Variants in PCTP observed in about 807,000 individuals in gnomAD.
PCTP encodes phosphatidylcholine transfer protein, also known as START domain-containing protein 2.
Under a neutral mutation model 31.0 loss-of-function variants are expected in PCTP, and 27 were observed. The ratio of observed to expected loss-of-function variants is 0.87; its 90% CI spans 0.64 to 1.20. PCTP has a LOEUF of 1.20. PCTP is among the 50% of genes most tolerant of loss of function. The pLI is 0.00. For synonymous variants in PCTP, 108 were observed against 101.2 expected (o/e 1.07, Z -0.40); for missense variants, 287 against 268.2 (o/e 1.07, Z -0.49).
At chr17:55,848,016 A>G in the PCTP span, among the ~76,000 whole-genome samples, 1 of 151,996 alleles carries the variant, frequency 6.6e-6, no homozygotes, top group African/African-American at 2.4e-5. Context: ...TCCACCTCCC[A>G]GGTTCAAGCA....
chr17:55,772,260 T>C (rs999766912), intron 3 of PCTP, among the ~76,000 whole-genome samples: 1 of 150,982 alleles, frequency 6.6e-6, no homozygotes, highest in Non-Finnish European at 1.5e-5. Context: ...GACTGTCCAA[T>C]GTGAGGGTGG....
At chr17:55,792,486 A>G (rs899429367) in intron 3 of PCTP, among the ~76,000 whole-genome samples, 9 of 152,114 alleles carry the variant, frequency 5.9e-5, no homozygotes, top group Non-Finnish European at 1.0e-4. Context: ...ATAAAATAAA[A>G]TAAAATATCT....
intron 3 of PCTP, among the ~76,000 whole-genome samples, chr17:55,822,373 A>G (rs1007546288): frequency 6.6e-6 from 1 of 152,182 alleles, no homozygotes; most frequent in Non-Finnish European, 1.5e-5. Context: ...CAGAATCAGT[A>G]CCTTGACTGT....
In PCTP at chr17:55,751,057, G is replaced by A. The variant is rs753935613; in HGVS notation, c.-47G>A. 6.8e-7 allele frequency: 1 copy of A among 1,480,908 alleles called. No individual in the cohort carries two copies. The allele number at this position is 1,480,908 out of a possible 1,614,324, so 91.7% of individuals were successfully genotyped here. A position where few individuals can be genotyped will look rare whatever the true frequency, so the allele number is the denominator to read the frequency against. ...CCCCGCCCCCAGGCCCACACTAAGG[G>A]TGTCCGCGGCCTGCCCTCCAGGCGG... On this transcript the variant is annotated 5_prime_UTR_variant, in exon 1 of 6. The change creates a new upstream start codon in the 5' untranslated region. Coordinates refer to ENST00000268896, the MANE Select transcript of PCTP (RefSeq NM_021213.4).
intron 5 of PCTP, among the ~76,000 whole-genome samples, chr17:55,830,807 T>G (rs983018616): frequency 6.6e-6 from 1 of 152,118 alleles, no homozygotes; most frequent in African/African-American, 2.4e-5. Context: ...CATGATGAAA[T>G]CAGATTTCTG....
downstream of PCTP, among the ~76,000 whole-genome samples, chr17:55,846,662 C>T (rs765112254): frequency 3.3e-5 from 5 of 152,038 alleles, no homozygotes; most frequent in South Asian, 4.1e-4. Flanking sequence ...TTTTGGCATC[C>T]AAGGAAGAAA....
At position 55,751,160 on chromosome 17, in the gene PCTP, GCTCCA is replaced by G. The variant is rs1909674569; in HGVS notation, c.58_62del (p.Leu20AlafsTer32). 4 of 1,548,252 alleles carry G rather than the reference GCTCCA, an allele frequency of 2.6e-6. No individual in the cohort carries two copies. Among genetic ancestry groups the G allele is most frequent in the Non-Finnish European group, 3.5e-6 (4 of 1,146,156 alleles). On this transcript the variant is annotated frameshift_variant, in exon 1 of 6. Coordinates refer to ENST00000268896, the MANE Select transcript of PCTP (RefSeq NM_021213.4). LOFTEE classifies it high-confidence loss of function. ...AGCAGTTCTGGGAGGCCTGCGCCGA[GCTCCA>G]GCAGCCCGCTCTGGCCGGGGCCGAC...
intron 3 of PCTP, among the ~76,000 whole-genome samples, chr17:55,819,797 T>C (rs938899733): frequency 1.6e-4 from 25 of 152,154 alleles, no homozygotes; most frequent in African/African-American, 5.6e-4. Flanking sequence ...ATCAAGATGG[T>C]GTTGTACTGG....
intron 1 of PCTP, 172 bp downstream of exon 1, chr17:55,751,416 G>A (rs1017592328): frequency 4.6e-6 from 7 of 1,534,242 alleles, no homozygotes; most frequent in Middle Eastern, 3.3e-4. Flanking sequence ...CAGGGGCGGT[G>A]CCTCCAAGTG....
intron 3 of PCTP, among the ~76,000 whole-genome samples, chr17:55,808,975 G>C (rs1279440245): frequency 6.6e-6 from 1 of 151,872 alleles, no homozygotes; most frequent in Non-Finnish European, 1.5e-5. Context: ...GTGAGGCAAT[G>C]GTGTTCAAGA....
intron 5 of PCTP, chr17:55,775,576 G>GT (rs1363557720): frequency 1.4e-5 from 16 of 1,159,682 alleles, no homozygotes; most frequent in Admixed American, 4.3e-5. Flanking sequence ...GCATAGAGGG[G>GT]GAGTAAATAA....
intron 3 of PCTP, among the ~76,000 whole-genome samples, chr17:55,801,084 C>A (rs1912360649): frequency 6.6e-6 from 1 of 152,136 alleles, no homozygotes; most frequent in Admixed American, 6.6e-5. Flanking sequence ...AGGTGTCTCC[C>A]AGTCTGGAGG....
At chr17:55,805,244 G>GT (rs1274199675) in intron 3 of PCTP, among the ~76,000 whole-genome samples, 6 of 151,954 alleles carry the variant, frequency 3.9e-5, no homozygotes, top group Non-Finnish European at 7.4e-5. Context: ...GGGTTTATGT[G>GT]TTTTTTTCTT....
At chr17:55,761,461 T>TATATAGTACA (rs1183651913) in intron 1 of PCTP, among the ~76,000 whole-genome samples, 1 of 150,664 alleles carries the variant, frequency 6.6e-6, no homozygotes, top group East Asian at 1.9e-4. Context: ...CCAGCTGGTA[T>TATATAGTACA]TCACTATATG....
intron 3 of PCTP, 62 bp downstream of exon 3, chr17:55,771,247 C>G: frequency 8.0e-7 from 1 of 1,252,164 alleles, no homozygotes; most frequent in Non-Finnish European, 1.2e-6. Context: ...TCCTCAGCTG[C>G]AGTCTATTGC....
chr17:55,759,502 A>G (rs1390136001), intron 1 of PCTP, among the ~76,000 whole-genome samples: 2 of 152,170 alleles, frequency 1.3e-5, no homozygotes, highest in Admixed American at 6.6e-5. Context: ...CTTTACTTTG[A>G]TGAAAAATAC....
downstream of PCTP, among the ~76,000 whole-genome samples, chr17:55,779,322 C>CA (rs1201380054): frequency 6.6e-6 from 1 of 151,860 alleles, no homozygotes; most frequent in Non-Finnish European, 1.5e-5. Context: ...AAGGTGCTGT[C>CA]AAAAAAAGGG....
In PCTP at chr17:55,773,836, G is replaced by A. The variant is rs762655094; in HGVS notation, c.452G>A (p.Arg151Gln). 20 of 1,612,932 alleles carry A rather than the reference G, an allele frequency of 1.2e-5. No homozygotes were observed. The highest frequency in any genetic ancestry group is 7.7e-5 in the South Asian group (7 of 90,970). ...PQLGERSGVIRVKQYKQSLAI... is the reference protein window; with the variant it reads ...PQLGERSGVIQVKQYKQSLAI... ...CTTGGCGAGAGGTCTGGGGTGATCCGGGTGAAGCAATACAAGCAGAGCCTG... is the reference window on the plus strand; with the variant it reads ...CTTGGCGAGAGGTCTGGGGTGATCCAGGTGAAGCAATACAAGCAGAGCCTG... Residue 151 changes from arginine to glutamine, a missense_variant, in exon 4 of 6, where the codon CGG becomes CAG. Physicochemically the swap from Arg to Gln is conservative, Grantham distance 43. Coordinates refer to ENST00000268896, the MANE Select transcript of PCTP (RefSeq NM_021213.4).
At chr17:55,767,549 C>T (rs967638906) in intron 2 of PCTP, 97 bp downstream of exon 2, 6 of 757,794 alleles carry the variant, frequency 7.9e-6, no homozygotes, top group Admixed American at 7.3e-5. Flanking sequence ...ACCGCAATCT[C>T]CGCCTCCTGG....
Sources: gnomAD v4.1 joint callset for allele counts (sites outside exome capture counted in the v4.1 genomes callset) on GRCh38, gnomAD v4.1.1 for gene constraint, MANE v1.5 for transcripts, NCBI Gene and HGNC (gene_info 2026-07-23, HGNC 2026-07-21) for gene names.